GPR19: variants seen among roughly 807,000 people sequenced by gnomAD.
GPR19 encodes G protein-coupled receptor 19, also known as probable G protein-coupled receptor 19.
GPR19 carries 14 observed loss-of-function variants against 28.5 expected under a neutral mutation model. The observed-to-expected ratio is 0.49, with a 90% confidence interval of 0.32 to 0.77. The LOEUF (loss-of-function observed/expected upper bound fraction) is 0.77, where lower values mean the gene tolerates loss of function less well. Ranked by LOEUF, GPR19 falls within the 30% of genes least tolerant of loss-of-function variation. The pLI is 0.03. For missense variants in GPR19, 409 were observed against 504.1 expected (o/e 0.81, Z 1.81); for synonymous variants, 173 against 184.1 (o/e 0.94, Z 0.49).
the GPR19 span, among the ~76,000 whole-genome samples, chr12:12,709,320 GCTGT>G: frequency 6.5e-4 from 99 of 152,144 alleles, no homozygotes; most frequent in Non-Finnish European, 9.4e-4. Flanking sequence ...GTTGCTCGGG[GCTGT>G]CTGTCTTCCT....
chr12:12,693,761 G>A (rs1446982340), intron 2 of GPR19, among the ~76,000 whole-genome samples: 1 of 152,208 alleles, frequency 6.6e-6, no homozygotes, highest in South Asian at 2.1e-4. Context: ...GGAGTGCAGT[G>A]GCACGATCTC....
At chr12:12,685,871 A>G (rs1946090651) in intron 2 of GPR19, among the ~76,000 whole-genome samples, 1 of 152,212 alleles carries the variant, frequency 6.6e-6, no homozygotes, top group Non-Finnish European at 1.5e-5. Context: ...TTGGGAAGCC[A>G]TTATCTAAGT....
At chr12:12,711,782 C>T in the GPR19 span, among the ~76,000 whole-genome samples, 3 of 152,182 alleles carry the variant, frequency 2.0e-5, no homozygotes, top group Non-Finnish European at 4.4e-5. Flanking sequence ...ATTATTCTCT[C>T]AAATACCCAA....
intron 3 of GPR19, among the ~76,000 whole-genome samples, chr12:12,665,463 G>T (rs889682313): frequency 6.6e-6 from 1 of 152,154 alleles, no homozygotes; most frequent in Non-Finnish European, 1.5e-5. Context: ...CCCTGCTGGT[G>T]GCATAAGTTC....
chr12:12,716,816 C>A, the GPR19 span: 10 of 985,082 alleles, frequency 1.0e-5, no homozygotes, highest in South Asian at 4.7e-5. Flanking sequence ...CCTCCACCAG[C>A]CCCCAGCAAA....
At chr12:12,699,848 C>A (rs988339271), upstream of GPR19, among the ~76,000 whole-genome samples, 1 of 152,170 alleles carries the variant, frequency 6.6e-6, no homozygotes, top group Non-Finnish European at 1.5e-5. Context: ...CCTTTATGGT[C>A]TGTTATCTTC....
At chr12:12,710,024 T>C in the GPR19 span, among the ~76,000 whole-genome samples, 1 of 152,086 alleles carries the variant, frequency 6.6e-6, no homozygotes, top group Admixed American at 6.5e-5. Flanking sequence ...ACAATGAGTG[T>C]TGCACACCTC....
chr12:12,672,894 A>G (rs572951071), intron 3 of GPR19, among the ~76,000 whole-genome samples: 1 of 152,390 alleles, frequency 6.6e-6, no homozygotes, highest in East Asian at 1.9e-4. Flanking sequence ...GGACACAGAC[A>G]TTATAATAAC....
the GPR19 span, among the ~76,000 whole-genome samples, chr12:12,713,414 C>T: frequency 6.6e-6 from 1 of 152,128 alleles, no homozygotes; most frequent in Admixed American, 6.6e-5. Context: ...CCACCATGGG[C>T]CCCCCTGCTG....
rs554350887 is a variant in GPR19, at chr12:12,661,437, G to A, written c.1012C>T (p.Arg338Trp). ...TLYSIYNANF[R>W]RGMKETFCMS... ...CAAAAAGTCTCTTTCATCCCTCTCCGAAAATTGGCATTATAAATTGAATAC... is the reference window on the plus strand; with the variant it reads ...CAAAAAGTCTCTTTCATCCCTCTCCAAAAATTGGCATTATAAATTGAATAC... The change falls in exon 4 of 4, where the codon CGG becomes TGG. Residue 338 changes from arginine (R) to tryptophan (W), a missense_variant. Physicochemically the swap from Arg to Trp is moderately radical, Grantham distance 101. Coordinates refer to ENST00000651487, the MANE Select transcript of GPR19 (RefSeq NM_006143.3). This position sits in a 1 kb window ranked among gnomAD's most constrained non-coding sequence, Gnocchi z 4.2. The A allele has an allele frequency of 4.0e-5, 65 of 1,613,182 alleles. 1 individual carries two copies. The South Asian group carries it at 4.1e-4, about 10-fold the overall frequency.
the GPR19 span, among the ~76,000 whole-genome samples, chr12:12,702,244 C>T: frequency 6.6e-6 from 1 of 150,946 alleles, no homozygotes; most frequent in African/African-American, 2.4e-5. Flanking sequence ...TAATAGAATA[C>T]TAATAGAATA....
intron 3 of GPR19, among the ~76,000 whole-genome samples, chr12:12,679,681 T>C (rs1039236630): frequency 1.0e-4 from 15 of 147,604 alleles, no homozygotes; most frequent in African/African-American, 3.0e-4. Context: ...CCCAAAACAC[T>C]ACAATGACAA....
At chr12:12,699,977 TC>T (rs1946307941), upstream of GPR19, among the ~76,000 whole-genome samples, 1 of 63,432 alleles carries the variant, frequency 1.6e-5, no homozygotes, top group Non-Finnish European at 3.0e-5. Context: ...AAGCTTTCTT[TC>T]TTTTTTTTTT....
chr12:12,712,682 T>C, the GPR19 span, among the ~76,000 whole-genome samples: 1 of 152,202 alleles, frequency 6.6e-6, no homozygotes, highest in Non-Finnish European at 1.5e-5. Flanking sequence ...CTCTAGTTTA[T>C]TTATTTGAGA....
the GPR19 span, among the ~76,000 whole-genome samples, chr12:12,710,267 C>T: frequency 6.7e-6 from 1 of 148,868 alleles, no homozygotes; most frequent in Admixed American, 6.9e-5. Flanking sequence ...GCAGGAGAAT[C>T]GTTTGAACCT....
chr12:12,697,166 A>AAAAAAAAAAAAAAAAAAAC, upstream of GPR19, among the ~76,000 whole-genome samples: 1 of 149,032 alleles, frequency 6.7e-6, no homozygotes, highest in Non-Finnish European at 1.5e-5. Flanking sequence ...AAAAAAAAAA[A>AAAAAAAAAAAAAAAAAAAC]AAAAAAAAAA....
upstream of GPR19, among the ~76,000 whole-genome samples, chr12:12,698,958 A>G (rs1377513723): frequency 2.0e-5 from 3 of 152,274 alleles, no homozygotes; most frequent in South Asian, 6.2e-4. Flanking sequence ...CATAGGGAAC[A>G]GTTTGGGAGA....
At chr12:12,715,707 C>T in the GPR19 span, 1 of 152,330 alleles carries the variant, frequency 6.6e-6, no homozygotes, top group Non-Finnish European at 1.5e-5. Context: ...GAAAATGAAC[C>T]AACCTGAGTG....
At chr12:12,694,237 CGCCCAG>C (rs1205328309) in intron 2 of GPR19, among the ~76,000 whole-genome samples, 1 of 124,888 alleles carries the variant, frequency 8.0e-6, no homozygotes, top group African/African-American at 3.2e-5. Flanking sequence ...CTCGCTCTGT[CGCCCAG>C]GCTGGAGTGC....
Sources: gnomAD v4.1 joint callset for allele counts (sites outside exome capture counted in the v4.1 genomes callset) on GRCh38, gnomAD v4.1.1 for gene constraint, Gnocchi (gnomAD v3.1) non-coding constraint, MANE v1.5 for transcripts, NCBI Gene and HGNC (gene_info 2026-07-23, HGNC 2026-07-21) for gene names.